STX18: variants seen among roughly 807,000 people sequenced by gnomAD.
STX18 encodes the protein syntaxin-18.
A neutral mutation model predicts 50.1 loss-of-function variants in STX18; 40 were observed. The ratio of observed to expected loss-of-function variants is 0.80; its 90% CI spans 0.62 to 1.04. The LOEUF (loss-of-function observed/expected upper bound fraction) is 1.04. Among genes scored for constraint, STX18 ranks in the 50% least tolerant of loss-of-function variants. The pLI is 0.00. For missense variants in STX18, 410 were observed against 415.8 expected (o/e 0.99, Z 0.12); for synonymous variants, 158 against 151.8 (o/e 1.04, Z -0.30).
chr4:4,447,327 C>T (rs933231584), intron 5 of STX18, among the ~76,000 whole-genome samples: 26 of 151,282 alleles, frequency 1.7e-4, no homozygotes, highest in Admixed American at 1.2e-3. Context: ...CGGTGGCTCA[C>T]GCCTGTAATC....
At chr4:4,451,322 G>C (rs1726741114) in intron 5 of STX18, among the ~76,000 whole-genome samples, 1 of 152,156 alleles carries the variant, frequency 6.6e-6, no homozygotes, top group Admixed American at 6.5e-5. Context: ...AAAATATGTG[G>C]GAAGTTTTTG....
chr4:4,502,206 T>C (rs1729490521), intron 1 of STX18, among the ~76,000 whole-genome samples: 1 of 152,238 alleles, frequency 6.6e-6, no homozygotes, highest in African/African-American at 2.4e-5. Context: ...ACAGCACTTT[T>C]TTTTAATTTG....
At chr4:4,517,964 G>A (rs1730357260) in intron 1 of STX18, among the ~76,000 whole-genome samples, 2 of 151,988 alleles carry the variant, frequency 1.3e-5, no homozygotes, top group Admixed American at 6.5e-5. Flanking sequence ...TAGTAGAGAC[G>A]AGGTTTCACC....
At chr4:4,508,667 G>A (rs916025568) in intron 1 of STX18, among the ~76,000 whole-genome samples, 1 of 152,158 alleles carries the variant, frequency 6.6e-6, no homozygotes, top group African/African-American at 2.4e-5. Flanking sequence ...TAGGTGTTAA[G>A]CCCAGCATCC....
intron 1 of STX18, among the ~76,000 whole-genome samples, chr4:4,487,590 C>T (rs73086298): frequency 6.6e-6 from 1 of 152,134 alleles, no homozygotes; most frequent in Non-Finnish European, 1.5e-5. Flanking sequence ...TTGGGCTCTC[C>T]GAGGATAAAA....
At chr4:4,517,976 T>C (rs1730358038) in intron 1 of STX18, among the ~76,000 whole-genome samples, 1 of 152,154 alleles carries the variant, frequency 6.6e-6, no homozygotes, top group Non-Finnish European at 1.5e-5. Context: ...GGTTTCACCA[T>C]GTTGGCCAGG....
At chr4:4,484,054 G>A (rs1265745631) in intron 1 of STX18, among the ~76,000 whole-genome samples, 3 of 152,066 alleles carry the variant, frequency 2.0e-5, no homozygotes, top group Admixed American at 6.5e-5. Flanking sequence ...AGTAGAGATG[G>A]GGTTTCACCA....
In STX18 at chr4:4,423,589, T is replaced by C; in HGVS notation, c.762-2A>G. On this transcript the variant is annotated splice_acceptor_variant, in intron 8 of 10. Transcript: ENST00000306200. LOFTEE classifies it high-confidence loss of function. Reference sequence around the variant, plus strand: ...TCAACCACTCTCCCTTCGATTTGCCTTCATAAAAAGAACAGATTACATATT... The same window carrying C: ...TCAACCACTCTCCCTTCGATTTGCCCTCATAAAAAGAACAGATTACATATT... The C allele has an allele frequency of 6.2e-7, 1 of 1,614,054 alleles. No homozygotes were observed. The highest frequency in any genetic ancestry group is 8.5e-7 in the Non-Finnish European group (1 of 1,179,898).
At chr4:4,432,586 TGGG>T (rs1324253786) in intron 7 of STX18, among the ~76,000 whole-genome samples, 1 of 152,190 alleles carries the variant, frequency 6.6e-6, no homozygotes, top group Non-Finnish European at 1.5e-5. Flanking sequence ...GCCCCACCTG[TGGG>T]GTGGCCATTT....
chr4:4,425,316 G>GA lies in STX18; in HGVS notation c.703-95dup. ...GACCTACGCTCCAGGAATCACTGCC[G>GA]AAGCCCCCATTTCCAGCTGCGGCAA... On this transcript the variant is annotated intron_variant, in intron 7 of 10. Coordinates refer to ENST00000306200, the MANE Select transcript of STX18 (RefSeq NM_016930.4). 5.2e-6 allele frequency: 6 copies of GA among 1,157,870 alleles called. No homozygotes were observed. In the South Asian group the frequency reaches 7.5e-5, roughly 14 times the overall value. The allele number at this position is 1,157,870 out of a possible 1,614,324, so 71.7% of individuals were successfully genotyped here.
At chr4:4,493,555 C>T (rs546186264) in intron 1 of STX18, among the ~76,000 whole-genome samples, 3 of 152,188 alleles carry the variant, frequency 2.0e-5, no homozygotes, top group Non-Finnish European at 4.4e-5. Flanking sequence ...ATTCAAATGA[C>T]GCATCTTATT....
chr4:4,469,809 G>A (rs570826819), intron 2 of STX18, among the ~76,000 whole-genome samples: 106 of 152,182 alleles, frequency 7.0e-4, no homozygotes, highest in Middle Eastern at 3.4e-3. Flanking sequence ...CAAAGAGAGG[G>A]GTTTCTCTAT....
upstream of STX18, chr4:4,542,057 C>A: frequency 7.5e-7 from 1 of 1,330,952 alleles, no homozygotes. Flanking sequence ...CTGGTCCTGC[C>A]CCACACGCCT....
At position 4,421,236 on chromosome 4, in the gene STX18, A is replaced by G. The variant is rs77506357; in HGVS notation, c.832-292T>C. Among the ~76,000 whole-genome samples the G allele has an allele frequency of 7.4e-3, 1,120 of 152,246 alleles. 6 individuals are homozygous for G. Among genetic ancestry groups the G allele is most frequent in the Admixed American group, 0.012 (186 of 15,300 alleles). Reference sequence around the variant, plus strand: ...ACCCCAAGAAGTAGGTATTACCTCTATTTTATGAAACGGAAACTCACGGCT... The same window carrying G: ...ACCCCAAGAAGTAGGTATTACCTCTGTTTTATGAAACGGAAACTCACGGCT... On this transcript the variant is annotated intron_variant, in intron 9 of 10. Coordinates refer to ENST00000306200, the MANE Select transcript of STX18 (RefSeq NM_016930.4).
intron 1 of STX18, among the ~76,000 whole-genome samples, chr4:4,501,470 T>C (rs555358488): frequency 3.9e-4 from 59 of 152,352 alleles, no homozygotes; most frequent in Admixed American, 9.8e-4. Context: ...TTTCACTCGT[T>C]AGTGATTATT....
chr4:4,438,464 T>C lies in STX18; in HGVS notation c.543A>G (p.Thr181=), dbSNP rs150636040. The C allele has an allele frequency of 9.9e-6, 16 of 1,613,892 alleles. No homozygotes were observed. The highest frequency in any genetic ancestry group is 1.1e-5 in the Non-Finnish European group (13 of 1,179,820). ...GACTCTGTGAAACTTTCTCAGAAGATGTGGATTCTCTTGTCTTTGTATTTG... is the reference window on the plus strand; with the variant it reads ...GACTCTGTGAAACTTTCTCAGAAGACGTGGATTCTCTTGTCTTTGTATTTG... The part of the protein sequence containing the change: ...PEPNTKTRES[T]SSEKVSQSPS... Residue 181 remains threonine, a synonymous_variant, in exon 6 of 11, where the codon ACA becomes ACG. Transcript: ENST00000306200.
intron 1 of STX18, among the ~76,000 whole-genome samples, chr4:4,478,504 T>G (rs1252340914): frequency 6.6e-6 from 1 of 152,192 alleles, no homozygotes; most frequent in Admixed American, 6.5e-5. Flanking sequence ...TTCTCCCGTT[T>G]GAGTTCATCT....
chr4:4,471,618 G>T, intron 2 of STX18, 21 bp downstream of exon 2: 1 of 1,497,380 alleles, frequency 6.7e-7, no homozygotes, highest in South Asian at 1.3e-5. Context: ...CCAAAGTCCT[G>T]GTAAAAAAAT....
chr4:4,463,344 CAT>C (rs1197347699), intron 2 of STX18, among the ~76,000 whole-genome samples: 3 of 152,204 alleles, frequency 2.0e-5, no homozygotes, highest in African/African-American at 7.2e-5. Flanking sequence ...ATAATGTTCA[CAT>C]GTGATAAAAT....
Sources: gnomAD v4.1 joint callset for allele counts (sites outside exome capture counted in the v4.1 genomes callset) on GRCh38, gnomAD v4.1.1 for gene constraint, MANE v1.5 for transcripts, NCBI Gene and HGNC (gene_info 2026-07-23, HGNC 2026-07-21) for gene names.